The following WWP1 variants were observed in gnomAD, a reference collection of about 807,000 sequenced individuals.
The protein encoded by WWP1 is WW domain containing E3 ubiquitin protein ligase 1, also known as NEDD4-like E3 ubiquitin-protein ligase WWP1.
Under a neutral mutation model 130.6 loss-of-function variants are expected in WWP1, and 49 were observed. That is an observed-to-expected ratio of 0.38 (90% confidence interval 0.30 to 0.48). The LOEUF (loss-of-function observed/expected upper bound fraction) is 0.48. Ranked by LOEUF, WWP1 falls within the 20% of genes least tolerant of loss-of-function variation. WWP1 has a pLI of 0.99. For missense variants in WWP1, 809 were observed against 1,100.6 expected (o/e 0.74, Z 3.75); for synonymous variants, 332 against 367.8 (o/e 0.90, Z 1.11).
At chr8:86,396,461 TTTTG>T (rs762669912) in intron 5 of WWP1, among the ~76,000 whole-genome samples, 182 of 152,178 alleles carry the variant, frequency 1.2e-3, no homozygotes, top group Middle Eastern at 3.4e-3. Flanking sequence ...GTTGTTTGTT[TTTTG>T]TTTGTTTGTT....
Position 86,415,939 on chromosome 8 carries a change from A to G in WWP1, c.1061+4065A>G, listed in dbSNP as rs566396589. The stretch of plus-strand genomic sequence containing the variant: ...ACCGTATAGCAGGCACTCAATAAAT[A>G]TTTGTTAAATAAGTGAATTTGTGCT... On this transcript the variant is annotated intron_variant, in intron 9 of 24. Transcript: ENST00000517970. Among the ~76,000 whole-genome samples, 5 of 152,356 alleles carry G rather than the reference A, an allele frequency of 3.3e-5. No homozygotes were observed. The East Asian group carries it at 7.7e-4, about 24-fold the overall frequency.
chr8:86,429,247 C>T (rs4440616), intron 11 of WWP1, among the ~76,000 whole-genome samples: 22,393 of 152,222 alleles, frequency 0.15, 1,798 homozygotes, highest in Non-Finnish European at 0.19. Context: ...ATGCCCTCAC[C>T]ATGGCCTTCT....
At chr8:86,368,404 T>A (rs1274407368) in intron 1 of WWP1, among the ~76,000 whole-genome samples, 1 of 152,148 alleles carries the variant, frequency 6.6e-6, no homozygotes, top group African/African-American at 2.4e-5. Flanking sequence ...TTTTTCAGAT[T>A]CTTGTTTTTT....
intron 11 of WWP1, among the ~76,000 whole-genome samples, chr8:86,428,369 G>A (rs1371442493): frequency 1.3e-5 from 2 of 151,542 alleles, no homozygotes; most frequent in Admixed American, 1.3e-4. Flanking sequence ...ACATCCGTGA[G>A]AGGAGTGGAA....
intron 9 of WWP1, among the ~76,000 whole-genome samples, chr8:86,423,992 CCACCT>C (rs1809419603): frequency 1.1e-5 from 1 of 93,746 alleles, no homozygotes. Flanking sequence ...GGGCTGCCCC[CCACCT>C]CCCTCCCGGA....
At chr8:86,390,109 A>T (rs1224791610) in intron 5 of WWP1, among the ~76,000 whole-genome samples, 1 of 148,738 alleles carries the variant, frequency 6.7e-6, no homozygotes, top group African/African-American at 2.5e-5. Context: ...GCGGCGGGGC[A>T]GAGGCGCTCC....
At chr8:86,366,910 A>C (rs916898336) in intron 1 of WWP1, among the ~76,000 whole-genome samples, 2 of 152,174 alleles carry the variant, frequency 1.3e-5, no homozygotes, top group African/African-American at 4.8e-5. Flanking sequence ...ATTTAATTTA[A>C]AATTAAGTCC....
chr8:86,388,998 C>A (rs775269836), intron 5 of WWP1, among the ~76,000 whole-genome samples: 2 of 152,148 alleles, frequency 1.3e-5, no homozygotes, highest in Non-Finnish European at 2.9e-5. Context: ...CAAGAAGTTG[C>A]ATATTTTACC....
chr8:86,351,733 C>T (rs1398511435), intron 1 of WWP1, among the ~76,000 whole-genome samples: 2 of 152,090 alleles, frequency 1.3e-5, no homozygotes, highest in Non-Finnish European at 2.9e-5. Context: ...GCTGTGCAGC[C>T]TGGGAACAAG....
At chr8:86,354,099 T>A (rs1390010913) in intron 1 of WWP1, among the ~76,000 whole-genome samples, 1 of 152,238 alleles carries the variant, frequency 6.6e-6, no homozygotes, top group Non-Finnish European at 1.5e-5. Flanking sequence ...GGCTGAGTGC[T>A]ACTGTTTAAG....
chr8:86,362,564 AT>A (rs949232845), intron 1 of WWP1, among the ~76,000 whole-genome samples: 53 of 151,986 alleles, frequency 3.5e-4, no homozygotes, highest in African/African-American at 1.2e-3. Flanking sequence ...CATCAAAGGA[AT>A]TTTTTTCTCC....
At chr8:86,463,305 GTTTGTTTT>G (rs960713919) in intron 24 of WWP1, among the ~76,000 whole-genome samples, 24 of 152,034 alleles carry the variant, frequency 1.6e-4, no homozygotes, top group Non-Finnish European at 3.1e-4. Flanking sequence ...GGGGTTTTTT[GTTTGTTTT>G]TTTGTTTTTT....
At position 86,385,293 on chromosome 8, in the gene WWP1, T is replaced by TA. The variant is rs542197649; in HGVS notation, c.334+3664_334+3665insA. Reference sequence around the variant, plus strand: ...GGAGGGATGTTCTGCAGTGTGTCTGTGTTCCTCATCTATTTGCAGAGGATA... The same window carrying TA: ...GGAGGGATGTTCTGCAGTGTGTCTGTAGTTCCTCATCTATTTGCAGAGGATA... On this transcript the variant is annotated intron_variant, in intron 5 of 24. Transcript: ENST00000517970. 1.4e-4 allele frequency among the ~76,000 whole-genome samples: 22 copies of TA among 152,302 alleles called. 1 individual carries two copies. The South Asian group carries it at 4.6e-3, about 32-fold the overall frequency.
intron 8 of WWP1, among the ~76,000 whole-genome samples, chr8:86,410,092 A>G (rs545752703): frequency 6.6e-6 from 1 of 152,270 alleles, no homozygotes; most frequent in African/African-American, 2.4e-5. Flanking sequence ...TCATCCTTGA[A>G]TTTATACATG....
chr8:86,418,823 A>G (rs531941223), intron 9 of WWP1, among the ~76,000 whole-genome samples: 1 of 152,298 alleles, frequency 6.6e-6, no homozygotes, highest in South Asian at 2.1e-4. Context: ...GTAAATTTTC[A>G]AATACACACC....
At chr8:86,434,303 T>C (rs1810162643) in intron 14 of WWP1, among the ~76,000 whole-genome samples, 1 of 152,220 alleles carries the variant, frequency 6.6e-6, no homozygotes, top group African/African-American at 2.4e-5. Flanking sequence ...CTCTTATCTC[T>C]TCAACCTCCT....
chr8:86,448,549 A>G, intron 20 of WWP1, 36 bp downstream of exon 20: 1 of 1,579,904 alleles, frequency 6.3e-7, no homozygotes, highest in Non-Finnish European at 8.6e-7. Context: ...TAATTTCTAG[A>G]ACACTTCAGA....
intron 1 of WWP1, among the ~76,000 whole-genome samples, chr8:86,348,237 A>T (rs1822702964): frequency 6.6e-6 from 1 of 150,936 alleles, no homozygotes; most frequent in African/African-American, 2.4e-5. Flanking sequence ...TTTTTTTTTG[A>T]GACGGAGTTT....
At chr8:86,370,662 A>C (rs1318272330) in intron 2 of WWP1, among the ~76,000 whole-genome samples, 1 of 152,154 alleles carries the variant, frequency 6.6e-6, no homozygotes, top group Non-Finnish European at 1.5e-5. Context: ...GATAACCATC[A>C]AAATAATTCA....
Sources: allele counts gnomAD v4.1 joint callset (sites outside exome capture counted in the v4.1 genomes callset), GRCh38; gene constraint gnomAD v4.1.1; transcripts MANE v1.5; gene names NCBI Gene and HGNC (gene_info 2026-07-23, HGNC 2026-07-21).